Variants in SLC26A11 observed in about 807,000 individuals in gnomAD.
SLC26A11 encodes the protein sodium-independent sulfate anion transporter.
Under a neutral mutation model 62.2 loss-of-function variants are expected in SLC26A11, and 58 were observed. That is an observed-to-expected ratio of 0.93 (90% CI 0.76 to 1.16). The LOEUF (loss-of-function observed/expected upper bound fraction) is 1.16, where lower values mean the gene tolerates loss of function less well. SLC26A11 is among the 50% of genes most tolerant of loss of function. SLC26A11 has a pLI of 0.00. For missense variants in SLC26A11, 790 were observed against 794.3 expected (o/e 0.99, Z 0.06); for synonymous variants, 411 against 368.9 (o/e 1.11, Z -1.31).
chr17:80,246,442 G>A lies in SLC26A11; in HGVS notation c.1154-67G>A. On this transcript the variant is annotated intron_variant, in intron 12 of 17. Transcript: ENST00000361193. This position sits in a 1 kb window ranked among gnomAD's most constrained non-coding sequence, Gnocchi z 4.4. ...CCCCAGTGGGCTCTGCTGAACAAGA[G>A]GCTGCTACGCTGCGTGCTGGGGGGA... The A allele has an allele frequency of 4.4e-6, 7 of 1,591,818 alleles. No homozygotes were observed. The highest frequency in any genetic ancestry group is 5.1e-6 in the Non-Finnish European group (6 of 1,173,722).
intron 7 of SLC26A11, among the ~76,000 whole-genome samples, chr17:80,232,767 T>C (rs973377066): frequency 1.2e-4 from 18 of 152,164 alleles, no homozygotes; most frequent in African/African-American, 3.6e-4. Flanking sequence ...TGTTCCCTTT[T>C]CCCCCTCCTT....
At chr17:80,235,951 G>A (rs1479987129) in intron 7 of SLC26A11, among the ~76,000 whole-genome samples, 3 of 152,208 alleles carry the variant, frequency 2.0e-5, no homozygotes, top group Non-Finnish European at 4.4e-5. Flanking sequence ...CATGGTCAAT[G>A]TCAGGTTTTA....
chr17:80,246,116 G>A lies in SLC26A11; in HGVS notation c.1098-38G>A, dbSNP rs368506262. 92 of 1,612,464 alleles carry A rather than the reference G, an allele frequency of 5.7e-5. No individual in the cohort carries two copies. The highest frequency in any genetic ancestry group is 3.3e-4 in the Middle Eastern group (2 of 6,058). On this transcript the variant is annotated intron_variant, in intron 11 of 17. Transcript: ENST00000361193. This position sits in a 1 kb window ranked among gnomAD's most constrained non-coding sequence, Gnocchi z 4.4. ...TGTGGACTGAGGTCTCCCTTTTCCC[G>A]GCCCCTGGTGACTGACGGTCTCTGT...
chr17:80,226,465 C>T (rs888818232), intron 6 of SLC26A11, among the ~76,000 whole-genome samples: 1 of 152,114 alleles, frequency 6.6e-6, no homozygotes, highest in African/African-American at 2.4e-5. Flanking sequence ...CTTTGGGAAG[C>T]CCAGGTGGGC....
At chr17:80,234,874 G>GTTTT (rs2042651852) in intron 7 of SLC26A11, among the ~76,000 whole-genome samples, 1 of 149,050 alleles carries the variant, frequency 6.7e-6, no homozygotes, top group Non-Finnish European at 1.5e-5. Context: ...TTTTAAGATG[G>GTTTT]AGTTTCGCTC....
Position 80,225,631 on chromosome 17 carries a change from C to G in SLC26A11, c.514-206C>G, listed in dbSNP as rs951841058. ...AGTAATTGTGAAGTACTGTCTCCCA[C>G]GAGGGTAGCTTTGATCTCCTGCCCT... On this transcript the variant is annotated intron_variant, in intron 5 of 17. Transcript: ENST00000361193. 5.3e-6 allele frequency: 3 copies of G among 569,602 alleles called. No homozygotes were observed. The South Asian group carries it at 6.4e-5, about 12-fold the overall frequency. The allele number at this position is 569,602 out of a possible 1,614,324, so 35.3% of individuals were successfully genotyped here. A position where few individuals can be genotyped will look rare whatever the true frequency, so the allele number is the denominator to read the frequency against.
intron 7 of SLC26A11, 128 bp from the exon 8 acceptor site, chr17:80,236,800 G>A: frequency 2.1e-6 from 2 of 952,066 alleles, no homozygotes; most frequent in Non-Finnish European, 3.2e-6. Context: ...AGAGTGCAGA[G>A]TGAGGACTGT....
In SLC26A11 at chr17:80,246,603, C is replaced by T. The variant is rs2043004751; in HGVS notation, c.1248C>T (p.Ala416=). 1 of 1,613,886 alleles carries T rather than the reference C, an allele frequency of 6.2e-7. No individual in the cohort carries two copies. The highest frequency in any genetic ancestry group is 1.3e-5 in the African/African-American group (1 of 74,932). ...CTGCCGTCATCATCATGGCCGTGGC[C>T]CCGCTGTTCGACACCAAGATCTTCA... ...ALAAVIIMAV[A]PLFDTKIFRT... The change falls in exon 13 of 18, where the codon GCC becomes GCT. Residue 416 remains alanine (A), a synonymous_variant. Coordinates refer to ENST00000361193, the MANE Select transcript of SLC26A11 (RefSeq NM_001166347.2). The surrounding 1 kb of genome is among the most constrained non-coding windows in gnomAD (Gnocchi z 4.4).
intron 5 of SLC26A11, among the ~76,000 whole-genome samples, chr17:80,224,381 G>A (rs975545813): frequency 1.7e-4 from 26 of 149,496 alleles, no homozygotes; most frequent in East Asian, 6.0e-4. Flanking sequence ...GTGCGCGCGC[G>A]CGTGTGTGAG....
In SLC26A11 at chr17:80,248,617, CT is replaced by C; in HGVS notation, c.1466del (p.Leu489ArgfsTer14). ...PVLVLQPASG[L>X]SFPAMEALRE... ...TCTGGTCCTGCAGCCGGCCAGCGGC[CT>C]GTCCTTCCCTGCCATGGAGGCTCTG... On this transcript the variant is annotated frameshift_variant, in exon 15 of 18. Transcript: ENST00000361193. LOFTEE classifies it high-confidence loss of function. 6.3e-7 allele frequency: 1 copy of C among 1,590,848 alleles called. No individual in the cohort carries two copies. The highest frequency in any genetic ancestry group is 8.6e-7 in the Non-Finnish European group (1 of 1,168,966).
At chr17:80,233,706 T>G (rs1380090159) in intron 7 of SLC26A11, among the ~76,000 whole-genome samples, 1 of 151,984 alleles carries the variant, frequency 6.6e-6, no homozygotes, top group African/African-American at 2.4e-5. Context: ...CCTGAGTGGC[T>G]GGGACTATAG....
rs755767772 is a variant in SLC26A11, at chr17:80,246,460, T to TG, written c.1154-43dup. ...AACAAGAGGCTGCTACGCTGCGTGC[T>TG]GGGGGGACCCTGCACTCCCGAGGTC... On this transcript the variant is annotated intron_variant, in intron 12 of 17. Coordinates refer to ENST00000361193, the MANE Select transcript of SLC26A11 (RefSeq NM_001166347.2). This position sits in a 1 kb window ranked among gnomAD's most constrained non-coding sequence, Gnocchi z 4.4. 11 of 1,601,626 alleles carry TG rather than the reference T, an allele frequency of 6.9e-6. No homozygotes were observed. The highest frequency in any genetic ancestry group is 1.7e-5 in the Admixed American group (1 of 59,942).
intron 16 of SLC26A11, 22 bp downstream of exon 16, chr17:80,249,309 T>G: frequency 6.2e-7 from 1 of 1,606,008 alleles, no homozygotes. Context: ...CTGGGCTGCC[T>G]TAGGGGTTAG....
In SLC26A11 at chr17:80,228,726, A is replaced by T. The variant is rs1292456020; in HGVS notation, c.736+766A>T. 6.6e-6 allele frequency among the ~76,000 whole-genome samples: 1 copy of T among 152,238 alleles called. No individual in the cohort carries two copies. On this transcript the variant is annotated intron_variant, in intron 7 of 17. Coordinates refer to ENST00000361193, the MANE Select transcript of SLC26A11 (RefSeq NM_001166347.2). This position sits in a 1 kb window ranked among gnomAD's most constrained non-coding sequence, Gnocchi z 4.1. The stretch of plus-strand genomic sequence containing the variant: ...CGGCGGTGCCGAGGTGGAGAAACAC[A>T]GTCTACTGGCAGGTCCTGGGGAGAC...
intron 5 of SLC26A11, among the ~76,000 whole-genome samples, chr17:80,224,762 G>A (rs1445844550): frequency 6.6e-6 from 1 of 152,046 alleles, no homozygotes; most frequent in Non-Finnish European, 1.5e-5. Flanking sequence ...AGTGAGAGTG[G>A]AGAGCGGAGA....
Position 80,248,159 on chromosome 17 carries a change from T to C in SLC26A11, c.1324T>C (p.Phe442Leu). ...RLDLLPLCVT[F>L]LLCFWEVQYG... ...GGACCTGCTGCCCCTGTGCGTGACC[T>C]TCCTGCTGTGCTTCTGGGAGGTGCA... Residue 442 changes from phenylalanine (F) to leucine (L), a missense_variant, in exon 14 of 18, where the codon TTC becomes CTC. Physicochemically the swap from Phe to Leu is conservative, Grantham distance 22 (BLOSUM62 0). Transcript: ENST00000361193. 6.2e-7 allele frequency: 1 copy of C among 1,606,446 alleles called. No individual in the cohort carries two copies. The highest frequency in any genetic ancestry group is 1.1e-5 in the South Asian group (1 of 90,982).
In SLC26A11 at chr17:80,223,705, A is replaced by G. The variant is rs2042288856; in HGVS notation, c.513+368A>G. 6.6e-6 allele frequency among the ~76,000 whole-genome samples: 1 copy of G among 152,224 alleles called. No homozygotes were observed. Among genetic ancestry groups the G allele is most frequent in the Non-Finnish European group, 1.5e-5 (1 of 68,042 alleles). The stretch of plus-strand genomic sequence containing the variant: ...CCCCACCAGTCATGAGCATGCTGCT[A>G]GAATTTCTATAGGCAAATTATTTCC... On this transcript the variant is annotated intron_variant, in intron 5 of 17. Coordinates refer to ENST00000361193, the MANE Select transcript of SLC26A11 (RefSeq NM_001166347.2). The surrounding 1 kb of genome is among the most constrained non-coding windows in gnomAD (Gnocchi z 4.6).
At chr17:80,224,442 A>AGTGTGCGTGT (rs33961786) in intron 5 of SLC26A11, among the ~76,000 whole-genome samples, 2 of 120,250 alleles carry the variant, frequency 1.7e-5, no homozygotes, top group Non-Finnish European at 3.6e-5. Context: ...TGTGGGTGTG[A>AGTGTGCGTGT]GAGTGTGAGT....
Position 80,249,159 on chromosome 17 carries a change from C to G in SLC26A11, c.1528C>G (p.Pro510Ala), listed in dbSNP as rs1339985547. The change falls in exon 16 of 18, where the codon CCG (proline) becomes GCG (alanine). Residue 510 changes from proline (P) to alanine (A), a missense_variant. Physicochemically the swap from Pro to Ala is conservative, Grantham distance 27. Coordinates refer to ENST00000361193, the MANE Select transcript of SLC26A11 (RefSeq NM_001166347.2). ...GCTCGGGCCTGTCTCCCCAGTGTCC[C>G]CGCCACGCTGCCTGGTCCTGGAGTG... ...EILSRALEVS[P>A]PRCLVLECTH... 5 of 1,606,732 alleles carry G rather than the reference C, an allele frequency of 3.1e-6. No homozygotes were observed. The South Asian group carries it at 5.5e-5, about 18-fold the overall frequency.
Sources: gnomAD v4.1 joint callset for allele counts (sites outside exome capture counted in the v4.1 genomes callset) on GRCh38, gnomAD v4.1.1 for gene constraint, Gnocchi (gnomAD v3.1) non-coding constraint, MANE v1.5 for transcripts, NCBI Gene and HGNC (gene_info 2026-07-23, HGNC 2026-07-21) for gene names.